The following QSOX2 variants were observed in gnomAD, a reference collection of about 807,000 sequenced individuals.
The protein encoded by QSOX2 is quiescin sulfhydryl oxidase 2.
Under a neutral mutation model 61.7 loss-of-function variants are expected in QSOX2, and 46 were observed. The ratio of observed to expected loss-of-function variants is 0.75; its 90% CI spans 0.59 to 0.95. The LOEUF (loss-of-function observed/expected upper bound fraction) is 0.95, where lower values mean the gene tolerates loss of function less well. Among genes scored for constraint, QSOX2 ranks in the 40% least tolerant of loss-of-function variants. The pLI is 0.00. For synonymous variants in QSOX2, 383 were observed against 388.4 expected (o/e 0.99, Z 0.16); for missense variants, 879 against 918.9 (o/e 0.96, Z 0.56).
chr9:136,220,655 G>A lies in QSOX2; in HGVS notation c.821+1141C>T, dbSNP rs189239543. On this transcript the variant is annotated intron_variant, in intron 6 of 11. Transcript: ENST00000358701. Reference sequence around the variant, plus strand: ...GCTGTCCTTCTCCCCAAGGTGAGGAGGAGCGGGGCCCCTCCAGCCTCAGGA... The same window carrying A: ...GCTGTCCTTCTCCCCAAGGTGAGGAAGAGCGGGGCCCCTCCAGCCTCAGGA... 1.2e-4 allele frequency among the ~76,000 whole-genome samples: 19 copies of A among 152,336 alleles called. No individual in the cohort carries two copies. In the East Asian group the frequency reaches 2.9e-3, roughly 23 times the overall value.
chr9:136,223,906 C>T lies in QSOX2; in HGVS notation c.585-53G>A, dbSNP rs1047835769. On this transcript the variant is annotated intron_variant, in intron 4 of 11. Coordinates refer to ENST00000358701, the MANE Select transcript of QSOX2 (RefSeq NM_181701.4). This position sits in a 1 kb window ranked among gnomAD's most constrained non-coding sequence, Gnocchi z 4.4. ...AGTGCCGTCAACAGCAGCGAGTTGGCCACCACATCCCAGTGGCCACATCAC... is the reference window on the plus strand; with the variant it reads ...AGTGCCGTCAACAGCAGCGAGTTGGTCACCACATCCCAGTGGCCACATCAC... 1.0e-5 allele frequency: 16 copies of T among 1,581,678 alleles called. No homozygotes were observed. Among genetic ancestry groups the T allele is most frequent in the Admixed American group, 1.7e-5 (1 of 59,700 alleles).
At chr9:136,237,486 C>T (rs1830396395) in intron 1 of QSOX2, among the ~76,000 whole-genome samples, 1 of 128,636 alleles carries the variant, frequency 7.8e-6, no homozygotes, top group Non-Finnish European at 1.8e-5. Context: ...GGAGCCCGTC[C>T]TGTGCCGGCG....
At position 136,218,811 on chromosome 9, in the gene QSOX2, A is replaced by G. The variant is rs768600766; in HGVS notation, c.957-3T>C. The G allele has an allele frequency of 6.2e-7, 1 of 1,612,830 alleles. No homozygotes were observed. Among genetic ancestry groups the G allele is most frequent in the Non-Finnish European group, 8.5e-7 (1 of 1,179,716 alleles). On this transcript the variant is annotated splice_polypyrimidine_tract_variant and splice_region_variant and intron_variant, in intron 7 of 11. Coordinates refer to ENST00000358701, the MANE Select transcript of QSOX2 (RefSeq NM_181701.4). ...GGTCCACCGTGTACAGCTTCGACCT[A>G]GGACGGGATATGGCAGCGTCAGGGA...
At chr9:136,214,094 G>A (rs12003580) in intron 10 of QSOX2, among the ~76,000 whole-genome samples, 23,468 of 152,160 alleles carry the variant, frequency 0.15, 1,869 homozygotes, top group Middle Eastern at 0.32. Flanking sequence ...ACTCCACTTC[G>A]GCTTTGAAGT....
intron 1 of QSOX2, among the ~76,000 whole-genome samples, chr9:136,234,847 G>A (rs13440071): frequency 2.1e-3 from 308 of 146,482 alleles, no homozygotes; most frequent in African/African-American, 7.5e-3. Flanking sequence ...GCTCCACTGC[G>A]CCCGCCCCAG....
At chr9:136,229,327 G>C (rs1830309925) in intron 1 of QSOX2, among the ~76,000 whole-genome samples, 1 of 152,236 alleles carries the variant, frequency 6.6e-6, no homozygotes, top group Non-Finnish European at 1.5e-5. Context: ...CGCGGAAACA[G>C]GAGGTGCTCC....
intron 1 of QSOX2, among the ~76,000 whole-genome samples, chr9:136,231,119 T>C (rs922619493): frequency 1.3e-5 from 2 of 151,910 alleles, no homozygotes; most frequent in African/African-American, 4.8e-5. Flanking sequence ...ACCACGGGAG[T>C]GGCCTGGTGA....
At chr9:136,241,854 G>A (rs1830435924) in intron 1 of QSOX2, among the ~76,000 whole-genome samples, 1 of 152,248 alleles carries the variant, frequency 6.6e-6, no homozygotes, top group South Asian at 2.1e-4. Flanking sequence ...GGCTGACCAA[G>A]TGAAGGAGAT....
In QSOX2 at chr9:136,224,114, T is replaced by A. The variant is rs1213838128; in HGVS notation, c.479-2A>T. The A allele has an allele frequency of 1.2e-6, 2 of 1,612,612 alleles. No homozygotes were observed. Among genetic ancestry groups the A allele is most frequent in the Admixed American group, 3.3e-5 (2 of 59,976 alleles). ...CTGTTCGCAGCTCTCGGTCAGGTCC[T>A]GCCGGAAGCACACCAGGGTCAGAGC... On this transcript the variant is annotated splice_acceptor_variant, in intron 3 of 11. Transcript: ENST00000358701. LOFTEE classifies it high-confidence loss of function.
chr9:136,224,215 C>A, intron 3 of QSOX2, 103 bp from the exon 4 acceptor site: 2 of 841,332 alleles, frequency 2.4e-6, no homozygotes. Flanking sequence ...GGCCCAAAGA[C>A]AGCAGGGTGC....
At chr9:136,226,724 G>A (rs1350347136) in intron 2 of QSOX2, 50 bp downstream of exon 2, 1 of 1,441,308 alleles carries the variant, frequency 6.9e-7, no homozygotes. Flanking sequence ...TCACCTGGAA[G>A]GTGGGGTAGA....
intron 11 of QSOX2, chr9:136,210,857 CTT>C: frequency 1.0e-6 from 1 of 985,130 alleles, no homozygotes; most frequent in Non-Finnish European, 1.2e-6. Context: ...AAACAAAGCA[CTT>C]TGAGAGGTTT....
chr9:136,214,367 G>A (rs772280818), intron 10 of QSOX2, among the ~76,000 whole-genome samples: 4 of 152,212 alleles, frequency 2.6e-5, no homozygotes, highest in Non-Finnish European at 4.4e-5. Context: ...CTCCCCTTGC[G>A]AGTGGCCTGG....
At chr9:136,216,071 C>T (rs565674075) in intron 9 of QSOX2, among the ~76,000 whole-genome samples, 5 of 152,344 alleles carry the variant, frequency 3.3e-5, no homozygotes, top group African/African-American at 9.6e-5. Flanking sequence ...ACTGACCACG[C>T]GGGCGTCGGA....
At chr9:136,224,209 C>A in intron 3 of QSOX2, 97 bp from the exon 4 acceptor site, 1 of 911,666 alleles carries the variant, frequency 1.1e-6, no homozygotes, top group Non-Finnish European at 1.7e-6. Context: ...GCCTGGGGCC[C>A]AAAGACAGCA....
intron 1 of QSOX2, among the ~76,000 whole-genome samples, chr9:136,234,569 A>G (rs1830361313): frequency 6.6e-6 from 1 of 152,196 alleles, no homozygotes; most frequent in African/African-American, 2.4e-5. Context: ...GAAAAAAGTG[A>G]CAGAGTTCAC....
intron 1 of QSOX2, among the ~76,000 whole-genome samples, chr9:136,236,580 C>T (rs766003648): frequency 3.3e-5 from 5 of 152,250 alleles, no homozygotes; most frequent in Non-Finnish European, 5.9e-5. Context: ...GCGTGCGCCC[C>T]GAGACTTACA....
chr9:136,227,086 T>TA, intron 1 of QSOX2, among the ~76,000 whole-genome samples: 1 of 152,278 alleles, frequency 6.6e-6, no homozygotes, highest in African/African-American at 2.4e-5. Context: ...CTACCACAGA[T>TA]AGTCACAGAA....
intron 1 of QSOX2, among the ~76,000 whole-genome samples, chr9:136,234,178 C>A (rs940804334): frequency 6.6e-6 from 1 of 152,226 alleles, no homozygotes; most frequent in African/African-American, 2.4e-5. Context: ...AGGCCTACTT[C>A]TCTTTTGTGC....
Sources: gnomAD v4.1 joint callset for allele counts (sites outside exome capture counted in the v4.1 genomes callset) on GRCh38, gnomAD v4.1.1 for gene constraint, Gnocchi (gnomAD v3.1) non-coding constraint, MANE v1.5 for transcripts, NCBI Gene and HGNC (gene_info 2026-07-23, HGNC 2026-07-21) for gene names.